The following ANK3 variants were observed in gnomAD, a reference collection of about 807,000 sequenced individuals.
ANK3 encodes ankyrin-3.
A neutral mutation model predicts 370.9 loss-of-function variants in ANK3; 57 were observed. That is an observed-to-expected ratio of 0.15 (90% confidence interval 0.12 to 0.19). The LOEUF (loss-of-function observed/expected upper bound fraction) is 0.19, where lower values mean the gene tolerates loss of function less well. ANK3 is among the 10% of genes least tolerant of loss of function. The pLI is 1.00. For synonymous variants in ANK3, 1,929 were observed against 1,946.3 expected (o/e 0.99, Z 0.23); for missense variants, 4,439 against 5,302.1 (o/e 0.84, Z 5.06).
At chr10:60,647,585 T>C (rs7905018) in intron 1 of ANK3, among the ~76,000 whole-genome samples, 103,280 of 151,260 alleles carry the variant, frequency 0.68, 35,373 homozygotes, top group South Asian at 0.83. Flanking sequence ...AAATTTTAAA[T>C]TCATAGTGTC....
chr10:60,027,783 A>G lies in ANK3; in HGVS notation c.*2063T>C, dbSNP rs1280432885. 6.6e-6 allele frequency: 1 copy of G among 152,214 alleles called. No individual in the cohort carries two copies. Among genetic ancestry groups the G allele is most frequent in the Non-Finnish European group, 1.5e-5 (1 of 68,040 alleles). 9.4% of individuals were successfully genotyped at this position (152,214 alleles called of 1,614,324 possible). ...AAACAGCCATGGTCTCTGCCTCAGT[A>G]GAATTTAGATTCACGCAGTGTATGG... On this transcript the variant is annotated 3_prime_UTR_variant, in exon 44 of 44. Coordinates refer to ENST00000280772, the MANE Select transcript of ANK3 (RefSeq NM_020987.5).
intron 28 of ANK3, among the ~76,000 whole-genome samples, chr10:60,105,195 G>T (rs2091994389): frequency 6.7e-6 from 1 of 150,224 alleles, no homozygotes; most frequent in African/African-American, 2.4e-5. Flanking sequence ...GTTATGGTGA[G>T]CCTGTTCTCT....
chr10:60,606,217 G>A lies in ANK3; in HGVS notation c.96+8969C>T, dbSNP rs181106841. 3.1e-3 allele frequency among the ~76,000 whole-genome samples: 471 copies of A among 152,134 alleles called. 4 individuals are homozygous for A. Among genetic ancestry groups the A allele is most frequent in the Non-Finnish European group, 3.8e-3 (258 of 67,986 alleles). ...AAAATGATGCATTTCTTAGTTTTTC[G>A]ATGCTGAATTAGAAAAATAATAAAC... On this transcript the variant is annotated intron_variant, in intron 2 of 43. Transcript: ENST00000373827.
chr10:60,196,467 C>A, intron 15 of ANK3, 60 bp downstream of exon 15: 1 of 1,180,014 alleles, frequency 8.5e-7, no homozygotes, highest in Non-Finnish European at 1.2e-6. Context: ...TGAATATTAG[C>A]AAGGGTGTAT....
At chr10:60,532,337 G>T (rs1004737712) in intron 2 of ANK3, among the ~76,000 whole-genome samples, 1 of 152,068 alleles carries the variant, frequency 6.6e-6, no homozygotes, top group Non-Finnish European at 1.5e-5. Context: ...CACAACCAGG[G>T]TGCTGCTGTA....
At chr10:60,552,707 A>G (rs1281837244) in intron 2 of ANK3, among the ~76,000 whole-genome samples, 3 of 152,318 alleles carry the variant, frequency 2.0e-5, no homozygotes, top group Middle Eastern at 3.4e-3. Context: ...CTACTAAAGC[A>G]GGTGTTCCTG....
At chr10:60,725,755 T>C (rs1378443216) in intron 1 of ANK3, among the ~76,000 whole-genome samples, 1 of 152,182 alleles carries the variant, frequency 6.6e-6, no homozygotes, top group Admixed American at 6.5e-5. Flanking sequence ...ATTAGTGTTA[T>C]TTTTGTTCTT....
intron 23 of ANK3, among the ~76,000 whole-genome samples, chr10:60,155,834 G>C (rs1026723931): frequency 3.3e-5 from 5 of 151,992 alleles, no homozygotes; most frequent in African/African-American, 1.2e-4. Context: ...CTGACCCCAA[G>C]TTCTTCAGCT....
intron 1 of ANK3, among the ~76,000 whole-genome samples, chr10:60,618,670 C>T (rs1364206253): frequency 2.6e-5 from 4 of 152,122 alleles, no homozygotes; most frequent in Non-Finnish European, 5.9e-5. Context: ...GTGGCACCCC[C>T]TGGCCTTCTC....
intron 2 of ANK3, among the ~76,000 whole-genome samples, chr10:60,614,014 C>A (rs2078235568): frequency 6.6e-6 from 1 of 152,056 alleles, no homozygotes; most frequent in African/African-American, 2.4e-5. Flanking sequence ...GCAGATGTTG[C>A]AGTGAGCTAA....
intron 2 of ANK3, among the ~76,000 whole-genome samples, chr10:60,488,305 C>T (rs1468066692): frequency 6.6e-6 from 1 of 152,110 alleles, no homozygotes; most frequent in East Asian, 1.9e-4. Context: ...CAAGTTTACA[C>T]ATGCCCTGGA....
rs1227835107 is a variant in ANK3 at position 60,073,616 on chromosome 10, C to T, written c.7265G>A (p.Ser2422Asn). Residue 2422 changes from serine (S) to asparagine (N), a missense_variant, in exon 37 of 44, where the codon AGC becomes AAC. Transcript: ENST00000280772. ...TATGAGTTGAGCAGAACTAGGGCGG[C>T]TATCTTCTTCTTGGGACACAGGAGT... ...VNTPVSQEED[S>N]RPSSAQLISD... 6.2e-7 allele frequency: 1 copy of T among 1,613,964 alleles called. No individual in the cohort carries two copies. Among genetic ancestry groups the T allele is most frequent in the Non-Finnish European group, 8.5e-7 (1 of 1,179,978 alleles).
intron 2 of ANK3, among the ~76,000 whole-genome samples, chr10:60,570,775 T>C (rs1326986940): frequency 1.3e-5 from 2 of 152,040 alleles, no homozygotes. Flanking sequence ...ATTGACTTTA[T>C]ATTGTGCTCT....
intron 2 of ANK3, among the ~76,000 whole-genome samples, chr10:60,473,157 T>C (rs567107948): frequency 2.6e-5 from 4 of 152,158 alleles, no homozygotes; most frequent in Admixed American, 6.5e-5. Flanking sequence ...TTTCGTAATA[T>C]CCACAGACAT....
At chr10:60,079,157 C>A (rs1443926759) in intron 36 of ANK3, among the ~76,000 whole-genome samples, 1 of 134,778 alleles carries the variant, frequency 7.4e-6, no homozygotes. Context: ...CTACTGGAAA[C>A]CACCTAGCTA....
intron 1 of ANK3, among the ~76,000 whole-genome samples, chr10:60,713,316 A>G (rs190042316): frequency 1.3e-3 from 193 of 152,336 alleles, no homozygotes; most frequent in Admixed American, 4.8e-3. Context: ...ACTGAAAAAA[A>G]TCTCAGCATA....
At chr10:60,708,721 C>G (rs1312562320) in intron 1 of ANK3, among the ~76,000 whole-genome samples, 1 of 152,064 alleles carries the variant, frequency 6.6e-6, no homozygotes, top group Non-Finnish European at 1.5e-5. Flanking sequence ...TCTGTCTCAC[C>G]TAAGGGGGAA....
chr10:60,237,995 A>G (rs2097360721), intron 7 of ANK3, among the ~76,000 whole-genome samples: 1 of 152,202 alleles, frequency 6.6e-6, no homozygotes, highest in Non-Finnish European at 1.5e-5. Flanking sequence ...TTCAGGCAGG[A>G]TTCAGAAGAC....
intron 1 of ANK3, among the ~76,000 whole-genome samples, chr10:60,615,551 C>T (rs2078256825): frequency 6.6e-6 from 1 of 152,032 alleles, no homozygotes. Flanking sequence ...AATGAATATG[C>T]CAATGAGATG....
Sources: gnomAD v4.1 joint callset for allele counts (sites outside exome capture counted in the v4.1 genomes callset) on GRCh38, gnomAD v4.1.1 for gene constraint, MANE v1.5 for transcripts, NCBI Gene and HGNC (gene_info 2026-07-23, HGNC 2026-07-21) for gene names.